The following KIF5C variants were observed in gnomAD, a reference collection of about 807,000 sequenced individuals.
KIF5C encodes the protein kinesin family member 5C, also known as kinesin heavy chain isoform 5C.
In KIF5C, 18 loss-of-function variants were observed where a neutral mutation model predicts 125.2. That is an observed-to-expected ratio of 0.14 (90% CI 0.10 to 0.21). The LOEUF (loss-of-function observed/expected upper bound fraction) is 0.21, where lower values mean the gene tolerates loss of function less well. Ranked by LOEUF, KIF5C falls within the 10% of genes least tolerant of loss-of-function variation. The pLI is 1.00. For missense variants in KIF5C, 780 were observed against 1,183.8 expected, an observed-to-expected ratio of 0.66 and a Z score of 5.01; for synonymous variants, 405 against 434.0, an observed-to-expected ratio of 0.93 and a Z score of 0.83.
At chr2:148,966,366 A>G (rs1398171992) in intron 11 of KIF5C, among the ~76,000 whole-genome samples, 1 of 149,640 alleles carries the variant, frequency 6.7e-6, no homozygotes, top group Non-Finnish European at 1.5e-5. Flanking sequence ...GCGCGCGCAC[A>G]CACACACATG....
At chr2:149,014,187 G>A (rs549935768) in intron 25 of KIF5C, among the ~76,000 whole-genome samples, 2 of 152,278 alleles carry the variant, frequency 1.3e-5, no homozygotes, top group South Asian at 4.1e-4. Flanking sequence ...ACCATGCCCA[G>A]CTAGTTTTTG....
At chr2:149,000,613 A>G (rs1681819480) in intron 20 of KIF5C, 89 bp downstream of exon 20, 2 of 1,582,924 alleles carry the variant, frequency 1.3e-6, no homozygotes, top group Middle Eastern at 1.7e-4. Flanking sequence ...GACAATGGCT[A>G]TTTGTGTGCT....
intron 1 of KIF5C, among the ~76,000 whole-genome samples, chr2:148,917,808 A>G (rs1558892179): frequency 6.6e-6 from 1 of 152,256 alleles, no homozygotes; most frequent in South Asian, 2.1e-4. Context: ...TAAAGAGAGC[A>G]GAAAAATCAT....
intron 1 of KIF5C, among the ~76,000 whole-genome samples, chr2:148,915,214 C>A (rs369151049): frequency 6.7e-4 from 102 of 152,202 alleles, no homozygotes; most frequent in African/African-American, 2.3e-3. Flanking sequence ...ATACAGTGTG[C>A]GTCTCCTGTA....
At chr2:148,897,702 T>C (rs770298152) in intron 1 of KIF5C, among the ~76,000 whole-genome samples, 6 of 151,872 alleles carry the variant, frequency 4.0e-5, no homozygotes, top group Non-Finnish European at 5.9e-5. Context: ...GTGGATCACT[T>C]GCAGTCAGGA....
intron 6 of KIF5C, 140 bp downstream of exon 6, chr2:148,942,130 T>G (rs1682423998): frequency 1.1e-6 from 1 of 951,458 alleles, no homozygotes; most frequent in Non-Finnish European, 1.5e-6. Context: ...AATATTCATC[T>G]GGTTTTAAAA....
chr2:148,922,362 C>A (rs774908263), intron 2 of KIF5C, 135 bp downstream of exon 2: 4 of 561,968 alleles, frequency 7.1e-6, no homozygotes, highest in Non-Finnish European at 1.3e-5. Context: ...AATTCTATAG[C>A]CTCGGTTCTA....
chr2:149,015,279 G>T (rs1244402506), intron 25 of KIF5C, among the ~76,000 whole-genome samples: 1 of 152,212 alleles, frequency 6.6e-6, no homozygotes, highest in Non-Finnish European at 1.5e-5. Flanking sequence ...AAAAGGGGTA[G>T]TAATCAACAG....
Position 148,946,026 on chromosome 2 carries a change from G to C in KIF5C, c.590-873G>C, listed in dbSNP as rs1682513136. On this transcript the variant is annotated intron_variant, in intron 7 of 25. Transcript: ENST00000435030. ...CAGTGTACAAGTCTTTCTCTTCTTTGGTTAAGTTTATTCCTAAGTAGTTTA... is the reference window on the plus strand; with the variant it reads ...CAGTGTACAAGTCTTTCTCTTCTTTCGTTAAGTTTATTCCTAAGTAGTTTA... 2.0e-5 allele frequency among the ~76,000 whole-genome samples: 3 copies of C among 151,870 alleles called. No individual in the cohort carries two copies. The South Asian group carries it at 6.2e-4, about 32-fold the overall frequency.
chr2:148,895,170 G>A (rs1681806389), intron 1 of KIF5C, among the ~76,000 whole-genome samples: 4 of 151,908 alleles, frequency 2.6e-5, no homozygotes, highest in African/African-American at 7.3e-5. Context: ...TTGAGATGGA[G>A]TCTCTTCCCA....
At chr2:148,972,890 GTTTC>G (rs1278514229) in intron 11 of KIF5C, among the ~76,000 whole-genome samples, 5 of 152,102 alleles carry the variant, frequency 3.3e-5, no homozygotes, top group Non-Finnish European at 7.3e-5. Context: ...ATGCCAGTGT[GTTTC>G]TTTATTTGGC....
chr2:148,997,159 G>T, intron 17 of KIF5C, 105 bp from the exon 18 acceptor site: 1 of 1,480,748 alleles, frequency 6.8e-7, no homozygotes, highest in Non-Finnish European at 9.0e-7. Context: ...ATAAGCTGAT[G>T]TTTCACTCTG....
chr2:148,931,730 A>T (rs1209574876), intron 3 of KIF5C, among the ~76,000 whole-genome samples: 2 of 152,170 alleles, frequency 1.3e-5, no homozygotes, highest in African/African-American at 2.4e-5. Context: ...AATAGAAGAG[A>T]TATTTTGCTA....
At chr2:148,992,413 G>GA (rs1347162727) in intron 16 of KIF5C, among the ~76,000 whole-genome samples, 1 of 152,016 alleles carries the variant, frequency 6.6e-6, no homozygotes. Context: ...TAATGAAAAT[G>GA]AAAAAAATTT....
chr2:148,927,523 G>A (rs561857690), intron 2 of KIF5C, among the ~76,000 whole-genome samples: 1 of 151,974 alleles, frequency 6.6e-6, no homozygotes, highest in East Asian at 1.9e-4. Context: ...TAGGGGGGAT[G>A]GTTAATTTCT....
intron 1 of KIF5C, among the ~76,000 whole-genome samples, chr2:148,881,171 T>A (rs1681338818): frequency 6.6e-6 from 1 of 152,162 alleles, no homozygotes; most frequent in South Asian, 2.1e-4. Flanking sequence ...ACATTAGCTT[T>A]GGCCCCACAA....
At chr2:148,922,729 G>A (rs907197501) in intron 2 of KIF5C, among the ~76,000 whole-genome samples, 2 of 152,124 alleles carry the variant, frequency 1.3e-5, no homozygotes, top group Non-Finnish European at 1.5e-5. Context: ...TCACATTACC[G>A]TGTTGGTTAT....
intron 12 of KIF5C, among the ~76,000 whole-genome samples, chr2:148,976,420 C>T (rs1445862825): frequency 6.6e-6 from 1 of 151,894 alleles, no homozygotes; most frequent in African/African-American, 2.4e-5. Flanking sequence ...CAGGCGCACA[C>T]CACCACGCCT....
intron 22 of KIF5C, among the ~76,000 whole-genome samples, chr2:149,005,744 G>C (rs1463496870): frequency 6.6e-6 from 1 of 152,148 alleles, no homozygotes; most frequent in Non-Finnish European, 1.5e-5. Context: ...ACTGTGTGAG[G>C]GCAACTGCTC....
Sources: allele counts gnomAD v4.1 joint callset (sites outside exome capture counted in the v4.1 genomes callset), GRCh38; gene constraint gnomAD v4.1.1; transcripts MANE v1.5; gene names NCBI Gene and HGNC (gene_info 2026-07-23, HGNC 2026-07-21).